Variants in POU6F2 observed in about 807,000 individuals in gnomAD.
The protein encoded by POU6F2 is POU class 6 homeobox 2.
A neutral mutation model predicts 71.3 loss-of-function variants in POU6F2; 31 were observed. The ratio of observed to expected loss-of-function variants is 0.43; its 90% CI spans 0.33 to 0.59. The LOEUF is 0.59. POU6F2 is among the 20% of genes least tolerant of loss of function. The pLI is 0.04. For synonymous variants in POU6F2, 347 were observed against 355.7 expected (o/e 0.98, Z 0.27); for missense variants, 783 against 856.8 (o/e 0.91, Z 1.07).
intron 4 of POU6F2, among the ~76,000 whole-genome samples, chr7:39,227,273 CT>C (rs915709871): frequency 3.3e-5 from 5 of 149,364 alleles, no homozygotes; most frequent in South Asian, 2.1e-4. Flanking sequence ...TTTTATTTTC[CT>C]TTTTTTTTCC....
intron 4 of POU6F2, among the ~76,000 whole-genome samples, chr7:39,276,242 G>A (rs1414081066): frequency 2.0e-5 from 3 of 151,872 alleles, no homozygotes; most frequent in Non-Finnish European, 4.4e-5. Flanking sequence ...GTGGGCAAAG[G>A]ATATGAACAG....
At chr7:39,319,182 C>T (rs1785333940) in intron 4 of POU6F2, among the ~76,000 whole-genome samples, 2 of 152,158 alleles carry the variant, frequency 1.3e-5, no homozygotes, top group Non-Finnish European at 1.5e-5. Flanking sequence ...ACCCCTTCAC[C>T]TCCCACGTCC....
At chr7:38,989,916 T>A (rs558561153) in intron 1 of POU6F2, among the ~76,000 whole-genome samples, 90 of 151,896 alleles carry the variant, frequency 5.9e-4, no homozygotes, top group African/African-American at 2.1e-3. Context: ...GCTGATGGAG[T>A]CTGAACTATT....
chr7:39,328,498 A>G (rs1785567870), intron 4 of POU6F2, among the ~76,000 whole-genome samples: 1 of 152,192 alleles, frequency 6.6e-6, no homozygotes, highest in Admixed American at 6.5e-5. Flanking sequence ...TTGGTCCTGT[A>G]TAGGGTCTAG....
chr7:39,098,212 C>T (rs188397022), intron 2 of POU6F2, among the ~76,000 whole-genome samples: 49 of 151,748 alleles, frequency 3.2e-4, no homozygotes, highest in Non-Finnish European at 3.8e-4. Flanking sequence ...TATTTACTTA[C>T]GTTTTTACAT....
intron 4 of POU6F2, among the ~76,000 whole-genome samples, chr7:39,270,245 C>T (rs1226541657): frequency 6.6e-6 from 1 of 152,146 alleles, no homozygotes; most frequent in African/African-American, 2.4e-5. Context: ...TTAATAATGC[C>T]TGTCTTTAAG....
chr7:39,093,992 A>C (rs1231572897), intron 2 of POU6F2, among the ~76,000 whole-genome samples: 2 of 152,130 alleles, frequency 1.3e-5, no homozygotes, highest in African/African-American at 4.8e-5. Context: ...ACTTATTTAT[A>C]ATAATAAGCT....
intron 4 of POU6F2, among the ~76,000 whole-genome samples, chr7:39,313,312 T>G (rs1427162352): frequency 6.6e-6 from 1 of 152,062 alleles, no homozygotes; most frequent in Non-Finnish European, 1.5e-5. Flanking sequence ...CCTCACTTAT[T>G]TAATGAGACC....
In POU6F2 at chr7:39,436,834, G is replaced by C. The variant is rs182596295; in HGVS notation, c.1320+3551G>C. Among the ~76,000 whole-genome samples the C allele has an allele frequency of 3.9e-5, 6 of 152,278 alleles. No homozygotes were observed. In the East Asian group the frequency reaches 5.8e-4, roughly 15 times the overall value. On this transcript the variant is annotated intron_variant, in intron 7 of 9. Coordinates refer to ENST00000518318, the MANE Select transcript of POU6F2 (RefSeq NM_001370959.1). ...TTTATTGAGAGCTTTTAACATGAAG[G>C]GATGTTGAATTTTATCAAAGGCTTT...
chr7:39,233,442 G>A (rs535906888), intron 4 of POU6F2, among the ~76,000 whole-genome samples: 2 of 152,156 alleles, frequency 1.3e-5, no homozygotes, highest in East Asian at 3.9e-4. Flanking sequence ...AACTATTTTA[G>A]AAATAAGATA....
intron 2 of POU6F2, among the ~76,000 whole-genome samples, chr7:39,202,483 C>A (rs1390270351): frequency 6.6e-6 from 1 of 152,112 alleles, no homozygotes; most frequent in Non-Finnish European, 1.5e-5. Flanking sequence ...CATTTTTAGC[C>A]ATTTGAGAAT....
At chr7:39,099,093 G>A (rs996034391) in intron 2 of POU6F2, among the ~76,000 whole-genome samples, 1 of 152,162 alleles carries the variant, frequency 6.6e-6, no homozygotes, top group African/African-American at 2.4e-5. Flanking sequence ...TTCTACAGGG[G>A]ACAATAGTTC....
intron 2 of POU6F2, among the ~76,000 whole-genome samples, chr7:39,189,181 C>A (rs1329688364): frequency 6.6e-6 from 1 of 152,146 alleles, no homozygotes; most frequent in Non-Finnish European, 1.5e-5. Flanking sequence ...GATGAGGCCA[C>A]AACATCAGAC....
chr7:39,362,149 A>G (rs1025999305), intron 5 of POU6F2, among the ~76,000 whole-genome samples: 5 of 152,218 alleles, frequency 3.3e-5, no homozygotes, highest in Non-Finnish European at 5.9e-5. Context: ...AAACAAAATT[A>G]TAATCTAGTC....
rs190200502 is a variant in POU6F2 at position 39,141,192 on chromosome 7, G to A, written c.277+55161G>A. Reference sequence around the variant, plus strand: ...CTTTTGCTTGGAAAAGAATGAGAGCGCATAAAAGCTCTCATTATTGATAAT... The same window carrying A: ...CTTTTGCTTGGAAAAGAATGAGAGCACATAAAAGCTCTCATTATTGATAAT... On this transcript the variant is annotated intron_variant, in intron 2 of 9. Transcript: ENST00000518318. Among the ~76,000 whole-genome samples the A allele has an allele frequency of 2.1e-3, 317 of 152,218 alleles. 4 individuals are homozygous for A. The highest frequency in any genetic ancestry group is 6.8e-3 in the Middle Eastern group (2 of 294).
At chr7:39,030,697 A>G (rs997303304) in intron 1 of POU6F2, among the ~76,000 whole-genome samples, 11 of 150,654 alleles carry the variant, frequency 7.3e-5, no homozygotes, top group African/African-American at 1.2e-4. Flanking sequence ...TACATTTTCA[A>G]CTCTTTGGGG....
intron 1 of POU6F2, among the ~76,000 whole-genome samples, chr7:39,054,659 T>A (rs577566967): frequency 6.6e-6 from 1 of 151,628 alleles, no homozygotes; most frequent in South Asian, 2.1e-4. Flanking sequence ...TTGAGGAAGG[T>A]TGCTTAAACA....
At chr7:39,188,730 C>G (rs1222807426) in intron 2 of POU6F2, among the ~76,000 whole-genome samples, 1 of 152,222 alleles carries the variant, frequency 6.6e-6, no homozygotes, top group Non-Finnish European at 1.5e-5. Flanking sequence ...ACATCTGCCT[C>G]TGCCTCGCAT....
chr7:38,990,801 C>A (rs17171511), intron 1 of POU6F2, among the ~76,000 whole-genome samples: 16,945 of 152,050 alleles, frequency 0.11, 967 homozygotes, highest in East Asian at 0.13. Context: ...TAAGCTGAGC[C>A]TTGATACCAT....
Sources: allele counts gnomAD v4.1 joint callset (sites outside exome capture counted in the v4.1 genomes callset), GRCh38; gene constraint gnomAD v4.1.1; transcripts MANE v1.5; gene names NCBI Gene and HGNC (gene_info 2026-07-23, HGNC 2026-07-21).